CALCR: variants seen among roughly 807,000 people sequenced by gnomAD.
CALCR encodes the protein calcitonin receptor.
Under a neutral mutation model 59.5 loss-of-function variants are expected in CALCR, and 47 were observed. That is an observed-to-expected ratio of 0.79 (90% CI 0.63 to 1.01). CALCR has a LOEUF of 1.01. Ranked by LOEUF, CALCR falls within the 50% of genes least tolerant of loss-of-function variation. The pLI, the probability that CALCR is intolerant of heterozygous loss-of-function variation, is 0.00. For synonymous variants in CALCR, 213 were observed against 211.3 expected (o/e 1.01, Z -0.07); for missense variants, 566 against 597.1 (o/e 0.95, Z 0.54).
At chr7:93,473,295 G>C (rs1243692513) in intron 5 of CALCR, among the ~76,000 whole-genome samples, 1 of 151,798 alleles carries the variant, frequency 6.6e-6, no homozygotes, top group African/African-American at 2.4e-5. Flanking sequence ...AGTCTTTGAA[G>C]TGAATATTGT....
chr7:93,549,917 A>T (rs1325161004), intron 2 of CALCR, among the ~76,000 whole-genome samples: 1 of 152,228 alleles, frequency 6.6e-6, no homozygotes, highest in Non-Finnish European at 1.5e-5. Flanking sequence ...TAGGCAATTC[A>T]GTTTCAATCA....
At chr7:93,505,442 C>T (rs913193040) in intron 2 of CALCR, among the ~76,000 whole-genome samples, 4 of 152,106 alleles carry the variant, frequency 2.6e-5, no homozygotes, top group African/African-American at 9.7e-5. Context: ...TAATATGAAA[C>T]CCTCATTTGA....
At chr7:93,456,949 C>A (rs1800221173) in intron 8 of CALCR, among the ~76,000 whole-genome samples, 1 of 152,098 alleles carries the variant, frequency 6.6e-6, no homozygotes, top group African/African-American at 2.4e-5. Flanking sequence ...AGCCAGGTCC[C>A]TAGACACCTG....
Position 93,436,589 on chromosome 7 carries a change from GTTTTGT to G in CALCR, c.931-425_931-420del, listed in dbSNP as rs1252351285. Among the ~76,000 whole-genome samples the G allele has an allele frequency of 2.0e-4, 31 of 152,084 alleles. 1 individual carries two copies. The highest frequency in any genetic ancestry group is 9.2e-4 in the Admixed American group (14 of 15,264). The stretch of plus-strand genomic sequence containing the variant: ...TTGCAGATACCTTCTTGGACTCTAA[GTTTTGT>G]CTTTTCAGTCTTTAAATGTTGTCTT... On this transcript the variant is annotated intron_variant, in intron 11 of 13. Coordinates refer to ENST00000426151, the MANE Select transcript of CALCR (RefSeq NM_001742.4).
At chr7:93,507,247 C>T (rs1563001046) in intron 2 of CALCR, among the ~76,000 whole-genome samples, 2 of 152,064 alleles carry the variant, frequency 1.3e-5, no homozygotes, top group Non-Finnish European at 2.9e-5. Context: ...CACACACACA[C>T]ACACACACGA....
At chr7:93,507,380 G>A (rs1035125154) in intron 2 of CALCR, among the ~76,000 whole-genome samples, 3 of 152,084 alleles carry the variant, frequency 2.0e-5, no homozygotes, top group African/African-American at 7.2e-5. Flanking sequence ...GTACTTCAAA[G>A]GGAGAGCCAG....
chr7:93,426,224 G>A lies in CALCR; in HGVS notation c.*132C>T, dbSNP rs192934290. The A allele has an allele frequency of 4.6e-5, 29 of 636,686 alleles. No homozygotes were observed. The Admixed American group carries it at 7.3e-4, about 16-fold the overall frequency. The allele number at this position is 636,686 out of a possible 1,614,324, so 39.4% of individuals were successfully genotyped here. A position where few individuals can be genotyped will look rare whatever the true frequency, so the allele number is the denominator to read the frequency against. On this transcript the variant is annotated 3_prime_UTR_variant, in exon 14 of 14. Transcript: ENST00000426151. ...GAATAACTTTCTTCAGATTTACAAT[G>A]GACAAATTCACTGAATAATTCTTCA...
At chr7:93,520,215 G>A (rs58161557) in intron 2 of CALCR, among the ~76,000 whole-genome samples, 3,222 of 152,066 alleles carry the variant, frequency 0.021, 113 homozygotes, top group African/African-American at 0.072. Flanking sequence ...GTGAGATGAA[G>A]ATAGACCCTG....
rs374096068 is a variant in CALCR, at chr7:93,528,566, T to A, written c.-26-41559A>T. 1.1e-4 allele frequency among the ~76,000 whole-genome samples: 16 copies of A among 152,332 alleles called. No individual in the cohort carries two copies. In the South Asian group the frequency reaches 3.3e-3, roughly 32 times the overall value. ...CCTTGCGATAGTTTGCCGAGAATGATGGTTTCTAAAAATTTTATGGTATAA... is the reference window on the plus strand; with the variant it reads ...CCTTGCGATAGTTTGCCGAGAATGAAGGTTTCTAAAAATTTTATGGTATAA... On this transcript the variant is annotated intron_variant, in intron 2 of 13. Coordinates refer to ENST00000426151, the MANE Select transcript of CALCR (RefSeq NM_001742.4).
At chr7:93,455,755 T>C (rs536600575) in intron 8 of CALCR, among the ~76,000 whole-genome samples, 1 of 152,134 alleles carries the variant, frequency 6.6e-6, no homozygotes, top group South Asian at 2.1e-4. Flanking sequence ...TCATGATAAC[T>C]GAATTTACAG....
Position 93,426,589 on chromosome 7 carries a change from C to T in CALCR, c.1192G>A (p.Val398Ile), listed in dbSNP as rs775259746. 1.3e-6 allele frequency: 2 copies of T among 1,553,142 alleles called. No individual in the cohort carries two copies. The highest frequency in any genetic ancestry group is 2.3e-5 in the East Asian group (1 of 44,276). The change falls in exon 14 of 14, where the codon GTC becomes ATC. Residue 398 changes from valine (V) to isoleucine (I), a missense_variant and splice_region_variant. Coordinates refer to ENST00000426151, the MANE Select transcript of CALCR (RefSeq NM_001742.4). ...CATTGGCGCTTCACGGTGGTTTGGA[C>T]CTGGAAGAGAAAAAGGAGCCTTGTT... ...ATIYCFCNNE[V>I]QTTVKRQWAQ...
At chr7:93,553,039 C>G (rs141007788) in intron 2 of CALCR, among the ~76,000 whole-genome samples, 1 of 152,158 alleles carries the variant, frequency 6.6e-6, no homozygotes, top group African/African-American at 2.4e-5. Context: ...GGACACCTGA[C>G]CTCACACCTT....
intron 3 of CALCR, among the ~76,000 whole-genome samples, chr7:93,484,812 T>C (rs17165481): frequency 0.12 from 18,763 of 151,724 alleles, 2,507 homozygotes; most frequent in African/African-American, 0.32. Flanking sequence ...GTCATCAGCA[T>C]CGTCACTGGC....
At chr7:93,522,492 T>A (rs1801785801) in intron 2 of CALCR, among the ~76,000 whole-genome samples, 1 of 152,186 alleles carries the variant, frequency 6.6e-6, no homozygotes, top group African/African-American at 2.4e-5. Flanking sequence ...TGTCTACCTA[T>A]CCATCTACCT....
Position 93,443,719 on chromosome 7 carries a change from C to A in CALCR, c.687G>T (p.Met229Ile). 1 of 1,613,234 alleles carries A rather than the reference C, an allele frequency of 6.2e-7. No individual in the cohort carries two copies. The highest frequency in any genetic ancestry group is 8.5e-7 in the Non-Finnish European group (1 of 1,179,350). Residue 229 changes from methionine to isoleucine, a missense_variant, in exon 9 of 14, where the codon ATG becomes ATT. By Grantham distance (10) the Met-to-Ile change is conservative. Coordinates refer to ENST00000426151, the MANE Select transcript of CALCR (RefSeq NM_001742.4). ...GCATCCAGAAATAGTTGCAGGCCAT[C>A]ATGTACTGGTGGAAAAAATGCAAAA... Reference protein sequence around the residue: ...CKILHFFHQYMMACNYFWMLC... With the variant: ...CKILHFFHQYIMACNYFWMLC...
intron 2 of CALCR, among the ~76,000 whole-genome samples, chr7:93,511,113 T>A (rs1376040932): frequency 6.8e-6 from 1 of 147,522 alleles, no homozygotes; most frequent in East Asian, 2.0e-4. Context: ...ATATATATAT[T>A]CACATATGCA....
intron 2 of CALCR, among the ~76,000 whole-genome samples, chr7:93,507,141 G>T (rs1246150038): frequency 1.3e-5 from 2 of 152,004 alleles, no homozygotes; most frequent in Non-Finnish European, 2.9e-5. Flanking sequence ...AAAGAATAAA[G>T]TCCCAAAGGG....
At chr7:93,550,461 C>T (rs1249099160) in intron 2 of CALCR, among the ~76,000 whole-genome samples, 1 of 135,668 alleles carries the variant, frequency 7.4e-6, no homozygotes, top group African/African-American at 2.9e-5. Flanking sequence ...GCACTCCAGC[C>T]TGGGCAACAA....
chr7:93,487,035 T>C (rs943247120), intron 2 of CALCR, 28 bp from the exon 3 acceptor site: 1 of 1,152,280 alleles, frequency 8.7e-7, no homozygotes, highest in Non-Finnish European at 1.3e-6. Flanking sequence ...CAACAAAGAC[T>C]AAAATTAATA....
Sources: gnomAD v4.1 joint callset for allele counts (sites outside exome capture counted in the v4.1 genomes callset) on GRCh38, gnomAD v4.1.1 for gene constraint, MANE v1.5 for transcripts, NCBI Gene and HGNC (gene_info 2026-07-23, HGNC 2026-07-21) for gene names.